The following DIP2C variants were observed in gnomAD, a reference collection of about 807,000 sequenced individuals.
The protein encoded by DIP2C is DIP2 acetate--CoA ligase C (putative).
In DIP2C, 33 loss-of-function variants were observed where a neutral mutation model predicts 192.4. That is an observed-to-expected ratio of 0.17 (90% CI 0.13 to 0.23). The LOEUF is 0.23. Ranked by LOEUF, DIP2C falls within the 10% of genes least tolerant of loss-of-function variation. DIP2C has a pLI of 1.00. For missense variants in DIP2C, 1,537 were observed against 2,110.1 expected (o/e 0.73, Z 5.32); for synonymous variants, 979 against 864.1 (o/e 1.13, Z -2.33).
At chr10:376,593 G>A (rs980630566) in intron 17 of DIP2C, among the ~76,000 whole-genome samples, 2 of 146,710 alleles carry the variant, frequency 1.4e-5, no homozygotes, top group Non-Finnish European at 3.0e-5. Context: ...CAGCTACTCT[G>A]GTCTTGAATC....
intron 24 of DIP2C, among the ~76,000 whole-genome samples, chr10:353,169 G>T (rs927420676): frequency 2.4e-4 from 3 of 12,474 alleles, no homozygotes; most frequent in Non-Finnish European, 3.2e-4. Flanking sequence ...TGACCGGAGG[G>T]GCACACAGGG....
intron 1 of DIP2C, among the ~76,000 whole-genome samples, chr10:653,860 G>C (rs971010743): frequency 3.9e-5 from 6 of 152,164 alleles, no homozygotes; most frequent in African/African-American, 1.4e-4. Context: ...CTTTGTAACA[G>C]ACTTGAGAAA....
intron 1 of DIP2C, among the ~76,000 whole-genome samples, chr10:537,422 G>T (rs972139905): frequency 1.3e-5 from 2 of 152,198 alleles, no homozygotes; most frequent in African/African-American, 2.4e-5. Flanking sequence ...CGCAGACTCC[G>T]GTTCCTTTCA....
chr10:664,599 C>T (rs1856974174), intron 1 of DIP2C: 2 of 152,162 alleles, frequency 1.3e-5, no homozygotes, highest in South Asian at 4.1e-4. Context: ...CCGGGTTAAT[C>T]AACATTACAA....
chr10:522,862 G>A (rs574195697), intron 1 of DIP2C, among the ~76,000 whole-genome samples: 1 of 152,324 alleles, frequency 6.6e-6, no homozygotes, highest in Admixed American at 6.5e-5. Flanking sequence ...AAAGGACCCT[G>A]GAGTGAGGAT....
At chr10:298,985 A>C (rs997248889) in intron 32 of DIP2C, among the ~76,000 whole-genome samples, 3 of 152,250 alleles carry the variant, frequency 2.0e-5, no homozygotes, top group African/African-American at 7.2e-5. Context: ...TGATATGTTT[A>C]TGAGCATGTG....
At chr10:340,178 CAAAA>C (rs34140870) in intron 29 of DIP2C, among the ~76,000 whole-genome samples, 2 of 114,198 alleles carry the variant, frequency 1.8e-5, no homozygotes, top group African/African-American at 3.2e-5. Flanking sequence ...AAGACTGTCT[CAAAA>C]AAAAAAAAAG....
chr10:390,050 G>C lies in DIP2C; in HGVS notation c.1538C>G (p.Thr513Arg), dbSNP rs201413669. ...KDGSVLGVTV[T>R]RTALLTHCQA... The stretch of plus-strand genomic sequence containing the variant: ...GCAGTGTGTCAGCAGCGCAGTCCTC[G>C]TCACCGTCACACCCAGCACACTGCC... The change falls in exon 13 of 37, where the codon ACG becomes AGG. Residue 513 changes from threonine to arginine, a missense_variant. Transcript: ENST00000280886. 1.9e-6 allele frequency: 3 copies of C among 1,614,116 alleles called. No individual in the cohort carries two copies. The highest frequency in any genetic ancestry group is 1.3e-5 in the African/African-American group (1 of 75,034).
At chr10:626,689 G>T (rs1854225147) in intron 1 of DIP2C, among the ~76,000 whole-genome samples, 1 of 152,148 alleles carries the variant, frequency 6.6e-6, no homozygotes, top group South Asian at 2.1e-4. Context: ...GGCCAGAAGG[G>T]CCTGAGCCCC....
chr10:305,375 G>A (rs972215618), intron 32 of DIP2C, among the ~76,000 whole-genome samples: 12 of 152,170 alleles, frequency 7.9e-5, no homozygotes, highest in Non-Finnish European at 1.8e-4. Context: ...AAAGGCTCCT[G>A]TTAAGCTGTT....
At chr10:523,114 G>GA (rs1360100528) in intron 1 of DIP2C, among the ~76,000 whole-genome samples, 84 of 152,050 alleles carry the variant, frequency 5.5e-4, no homozygotes, top group Admixed American at 1.7e-3. Flanking sequence ...AGGATGCAGG[G>GA]ACTCTGTGTC....
Position 277,343 on chromosome 10 carries a change from A to G in DIP2C, c.4653T>C (p.Tyr1551=), listed in dbSNP as rs3740304. 429,256 of 1,613,930 alleles carry G rather than the reference A, an allele frequency of 0.27. 58,175 individuals carry two copies. Among genetic ancestry groups the G allele is most frequent in the Middle Eastern group, 0.36 (2,169 of 6,062 alleles). ...GACGAGACTACATGTTGTAGGCCAC[A>G]TAGATGGGGTCTAGCTGGTCTGCCA... The part of the protein sequence containing the change: ...GFLADQLDPI[Y]VAYNM Residue 1551 remains tyrosine (Y), a synonymous_variant, in exon 37 of 37, where the codon TAT becomes TAC. Transcript: ENST00000280886.
intron 32 of DIP2C, among the ~76,000 whole-genome samples, chr10:295,204 T>C (rs1266286628): frequency 6.6e-6 from 1 of 152,148 alleles, no homozygotes; most frequent in Non-Finnish European, 1.5e-5. Context: ...CAGCTGCTTA[T>C]ACTTATTGTT....
intron 31 of DIP2C, among the ~76,000 whole-genome samples, chr10:321,586 TCCA>T (rs1957023439): frequency 7.0e-6 from 1 of 141,872 alleles, no homozygotes; most frequent in Admixed American, 6.9e-5. Flanking sequence ...GGTGCGGGGC[TCCA>T]GCGAGAGACC....
At chr10:417,597 A>C (rs543730607) in intron 6 of DIP2C, among the ~76,000 whole-genome samples, 155 of 150,092 alleles carry the variant, frequency 1.0e-3, no homozygotes, top group Non-Finnish European at 1.5e-3. Flanking sequence ...TGTTGGAGCT[A>C]GGATAGGCAT....
chr10:467,376 T>A (rs1257547778), intron 3 of DIP2C, among the ~76,000 whole-genome samples: 1 of 104,382 alleles, frequency 9.6e-6, no homozygotes, highest in Non-Finnish European at 1.9e-5. Context: ...CTCTGGGGAC[T>A]GTGGTGGGGT....
At chr10:416,671 A>G (rs1450801482) in intron 6 of DIP2C, among the ~76,000 whole-genome samples, 1 of 152,220 alleles carries the variant, frequency 6.6e-6, no homozygotes, top group African/African-American at 2.4e-5. Context: ...AACTGGTTTG[A>G]TCAATGAAAG....
intron 1 of DIP2C, among the ~76,000 whole-genome samples, chr10:653,834 G>C (rs895009659): frequency 2.6e-5 from 4 of 152,164 alleles, no homozygotes; most frequent in African/African-American, 9.7e-5. Context: ...CTTAAACCTT[G>C]AGAAACCAAA....
At chr10:579,155 C>T (rs1420468172) in intron 1 of DIP2C, among the ~76,000 whole-genome samples, 1 of 151,780 alleles carries the variant, frequency 6.6e-6, no homozygotes, top group Admixed American at 6.5e-5. Context: ...AGCATACACC[C>T]AGATACAGTG....
Sources: allele counts gnomAD v4.1 joint callset (sites outside exome capture counted in the v4.1 genomes callset), GRCh38; gene constraint gnomAD v4.1.1; transcripts MANE v1.5; gene names NCBI Gene and HGNC (gene_info 2026-07-23, HGNC 2026-07-21).